Variants in STAB2 observed in about 807,000 individuals in gnomAD.
STAB2 encodes the protein stabilin-2.
Under a neutral mutation model 338.1 loss-of-function variants are expected in STAB2, and 288 were observed. The ratio of observed to expected loss-of-function variants is 0.85; its 90% CI spans 0.77 to 0.94. The LOEUF (loss-of-function observed/expected upper bound fraction) is 0.94, where lower values mean the gene tolerates loss of function less well. Ranked by LOEUF, STAB2 falls within the 40% of genes least tolerant of loss-of-function variation. The pLI, the probability that STAB2 is intolerant of heterozygous loss-of-function variation, is 0.00. For missense variants in STAB2, 3,141 were observed against 3,210.1 expected (o/e 0.98, Z 0.52); for synonymous variants, 1,202 against 1,193.3 (o/e 1.01, Z -0.15).
At chr12:103,654,027 G>A (rs1287509948) in intron 12 of STAB2, among the ~76,000 whole-genome samples, 1 of 152,198 alleles carries the variant, frequency 6.6e-6, no homozygotes, top group Non-Finnish European at 1.5e-5. Context: ...GAGGATGCAT[G>A]CATGGATGGA....
intron 12 of STAB2, among the ~76,000 whole-genome samples, chr12:103,653,027 G>T (rs1453257697): frequency 1.3e-5 from 2 of 152,188 alleles, no homozygotes; most frequent in Non-Finnish European, 2.9e-5. Flanking sequence ...GAAAGCATCA[G>T]CACAAAGCCA....
At chr12:103,709,404 T>C (rs907232464) in intron 39 of STAB2, among the ~76,000 whole-genome samples, 1 of 152,170 alleles carries the variant, frequency 6.6e-6, no homozygotes, top group Non-Finnish European at 1.5e-5. Flanking sequence ...CAGGAAGCCA[T>C]TAAAGAGTTT....
Position 103,612,108 on chromosome 12 carries a change from G to T in STAB2, c.332-8360G>T, listed in dbSNP as rs189244767. ...TGTAACCCGACCTTTCTCTCTGGCT[G>T]CCCTTAACATTTTTTCCTTCATTTC... On this transcript the variant is annotated intron_variant, in intron 3 of 68. Transcript: ENST00000388887. Among the ~76,000 whole-genome samples, 578 of 152,244 alleles carry T rather than the reference G, an allele frequency of 3.8e-3. 6 individuals carry two copies. The highest frequency in any genetic ancestry group is 0.013 in the African/African-American group (559 of 41,534).
intron 44 of STAB2, among the ~76,000 whole-genome samples, chr12:103,719,800 T>G (rs1181498537): frequency 6.6e-6 from 1 of 152,224 alleles, no homozygotes; most frequent in Non-Finnish European, 1.5e-5. Flanking sequence ...TGAAGGCCCT[T>G]GCCCAAGGCC....
At chr12:103,743,028 T>TTTC (rs1228439764) in intron 56 of STAB2, among the ~76,000 whole-genome samples, 1 of 150,272 alleles carries the variant, frequency 6.7e-6, no homozygotes, top group East Asian at 1.9e-4. Context: ...TTTTTCTTTT[T>TTTC]TTTTTTTTTT....
intron 37 of STAB2, among the ~76,000 whole-genome samples, chr12:103,706,082 T>C (rs1174325110): frequency 6.6e-6 from 1 of 152,108 alleles, no homozygotes; most frequent in East Asian, 1.9e-4. Flanking sequence ...GTGCACTTGG[T>C]CATTTAGAAA....
At chr12:103,608,533 G>A (rs1275837681) in intron 3 of STAB2, among the ~76,000 whole-genome samples, 1 of 152,094 alleles carries the variant, frequency 6.6e-6, no homozygotes, top group Non-Finnish European at 1.5e-5. Context: ...TTGTTGATGG[G>A]GTTGTTTTGT....
chr12:103,711,557 G>A lies in STAB2; in HGVS notation c.4334+41G>A, dbSNP rs1460879295. Reference sequence around the variant, plus strand: ...CCACCTCTGGGGACAGTGTAAAGGGGATTTTTTCCCAATATTGTCTACCCT... The same window carrying A: ...CCACCTCTGGGGACAGTGTAAAGGGAATTTTTTCCCAATATTGTCTACCCT... On this transcript the variant is annotated intron_variant, in intron 40 of 68. Coordinates refer to ENST00000388887, the MANE Select transcript of STAB2 (RefSeq NM_017564.10). 3.1e-6 allele frequency: 5 copies of A among 1,609,054 alleles called. No homozygotes were observed. In the Admixed American group the frequency reaches 5.1e-5, roughly 16 times the overall value.
chr12:103,635,422 C>G (rs964205860), intron 6 of STAB2, among the ~76,000 whole-genome samples: 5 of 152,232 alleles, frequency 3.3e-5, no homozygotes, highest in Non-Finnish European at 7.3e-5. Context: ...TCCCGAAAAA[C>G]AGCTTTTCTC....
chr12:103,621,960 AT>A (rs1957308625), intron 4 of STAB2, 81 bp from the exon 5 acceptor site: 1 of 1,338,982 alleles, frequency 7.5e-7, no homozygotes, highest in African/African-American at 1.5e-5. Context: ...TGAAAAACAA[AT>A]GCTGAGTTGG....
rs771561340 is a variant in STAB2, at chr12:103,652,715, C to G, written c.1407+10C>G. 4 of 1,562,578 alleles carry G rather than the reference C, an allele frequency of 2.6e-6. No homozygotes were observed. In the South Asian group the frequency reaches 5.0e-5, roughly 20 times the overall value. Reference sequence around the variant, plus strand: ...CTTCAACAGCGATAAGGTAAGGGTTCCTCTGATTTTCACTCCCAGAACTAA... The same window carrying G: ...CTTCAACAGCGATAAGGTAAGGGTTGCTCTGATTTTCACTCCCAGAACTAA... On this transcript the variant is annotated intron_variant, in intron 12 of 68. Transcript: ENST00000388887.
chr12:103,714,295 C>T (rs570346124), intron 42 of STAB2, among the ~76,000 whole-genome samples: 3 of 152,082 alleles, frequency 2.0e-5, no homozygotes, highest in Admixed American at 6.5e-5. Flanking sequence ...AAAGGTATGC[C>T]ATAGTAAGTT....
chr12:103,725,873 T>C (rs1360003415), intron 45 of STAB2, among the ~76,000 whole-genome samples: 2 of 152,232 alleles, frequency 1.3e-5, no homozygotes, highest in African/African-American at 2.4e-5. Flanking sequence ...TTCAGATACT[T>C]CTGGAAATGG....
chr12:103,711,426 A>C, intron 39 of STAB2, 45 bp from the exon 40 acceptor site: 1 of 1,612,282 alleles, frequency 6.2e-7, no homozygotes, highest in Non-Finnish European at 8.5e-7. Flanking sequence ...TCCTCAGGTG[A>C]GATTTAGTAA....
chr12:103,735,618 A>C (rs752863276), intron 52 of STAB2, 38 bp downstream of exon 52: 2 of 1,302,528 alleles, frequency 1.5e-6, no homozygotes, highest in East Asian at 4.8e-5. Flanking sequence ...GGAGGGGTTA[A>C]CACATTCACA....
At chr12:103,594,614 G>A (rs551322863) in intron 3 of STAB2, 104 bp downstream of exon 3, 27 of 920,272 alleles carry the variant, frequency 2.9e-5, no homozygotes, top group South Asian at 2.2e-4. Flanking sequence ...GTTAACATCC[G>A]TTTGTAGAAA....
chr12:103,619,415 A>G (rs781497912), intron 3 of STAB2, among the ~76,000 whole-genome samples: 2 of 152,140 alleles, frequency 1.3e-5, no homozygotes, highest in Non-Finnish European at 2.9e-5. Flanking sequence ...TTTCATCCTC[A>G]TCACAATAGT....
At chr12:103,719,364 C>G (rs1270030043) in intron 44 of STAB2, among the ~76,000 whole-genome samples, 1 of 152,234 alleles carries the variant, frequency 6.6e-6, no homozygotes, top group Non-Finnish European at 1.5e-5. Flanking sequence ...CAAAGAGACT[C>G]TAGCTGTGCC....
At chr12:103,662,111 C>T (rs1322486408) in intron 17 of STAB2, among the ~76,000 whole-genome samples, 3 of 152,092 alleles carry the variant, frequency 2.0e-5, no homozygotes, top group Non-Finnish European at 4.4e-5. Flanking sequence ...TGAGGAATGG[C>T]TGAATTTTGA....
Sources: gnomAD v4.1 joint callset for allele counts (sites outside exome capture counted in the v4.1 genomes callset) on GRCh38, gnomAD v4.1.1 for gene constraint, MANE v1.5 for transcripts, NCBI Gene and HGNC (gene_info 2026-07-23, HGNC 2026-07-21) for gene names.